Variants in ROBO2 observed in about 807,000 individuals in gnomAD.
The protein encoded by ROBO2 is roundabout guidance receptor 2, also known as roundabout homolog 2.
A neutral mutation model predicts 160.8 loss-of-function variants in ROBO2; 53 were observed. The ratio of observed to expected loss-of-function variants is 0.33; its 90% CI spans 0.26 to 0.41. ROBO2 has a LOEUF of 0.41. ROBO2 is among the 10% of genes least tolerant of loss of function. The pLI is 1.00. For synonymous variants in ROBO2, 664 were observed against 611.7 expected (o/e 1.09, Z -1.26); for missense variants, 1,577 against 1,722.4 (o/e 0.92, Z 1.49).
chr3:77,083,366 T>C (rs1223691240), intron 1 of ROBO2, among the ~76,000 whole-genome samples: 1 of 152,164 alleles, frequency 6.6e-6, no homozygotes, highest in Non-Finnish European at 1.5e-5. Flanking sequence ...GTCAATTTGA[T>C]GAATAAGTAG....
chr3:77,210,376 A>G (rs1488537388), intron 2 of ROBO2, among the ~76,000 whole-genome samples: 1 of 152,096 alleles, frequency 6.6e-6, no homozygotes. Context: ...ACAAATATCT[A>G]CAAACAAGAC....
chr3:76,850,167 G>T (rs1286738589), intron 2 of ROBO2, among the ~76,000 whole-genome samples: 1 of 151,758 alleles, frequency 6.6e-6, no homozygotes, highest in Non-Finnish European at 1.5e-5. Context: ...CTCCAGCCTG[G>T]TAACAGAAAA....
intron 2 of ROBO2, among the ~76,000 whole-genome samples, chr3:76,240,518 G>A (rs1383960677): frequency 6.6e-6 from 1 of 152,146 alleles, no homozygotes; most frequent in Non-Finnish European, 1.5e-5. Context: ...TTCAAGATTC[G>A]TTGAAGTAGA....
At chr3:77,246,319 G>A (rs6764366) in intron 2 of ROBO2, among the ~76,000 whole-genome samples, 1 of 140,906 alleles carries the variant, frequency 7.1e-6, no homozygotes, top group Non-Finnish European at 1.5e-5. Flanking sequence ...TACTGAGAGT[G>A]TATGTGTATG....
chr3:76,296,733 C>G (rs1381518878), intron 2 of ROBO2, among the ~76,000 whole-genome samples: 1 of 152,108 alleles, frequency 6.6e-6, no homozygotes, highest in Non-Finnish European at 1.5e-5. Context: ...GGTCACTCTT[C>G]GGGGAACTGC....
intron 2 of ROBO2, among the ~76,000 whole-genome samples, chr3:77,229,249 C>T (rs976046333): frequency 5.9e-5 from 9 of 151,674 alleles, no homozygotes; most frequent in Non-Finnish European, 1.2e-4. Flanking sequence ...AGAAACATCC[C>T]GAGAGTATTA....
intron 2 of ROBO2, among the ~76,000 whole-genome samples, chr3:76,405,463 G>T (rs1383748604): frequency 6.6e-6 from 1 of 151,736 alleles, no homozygotes; most frequent in Non-Finnish European, 1.5e-5. Flanking sequence ...CAGAAGAAGA[G>T]TAGAAAGGTC....
intron 2 of ROBO2, among the ~76,000 whole-genome samples, chr3:76,631,485 G>T (rs1299394843): frequency 6.6e-6 from 1 of 152,056 alleles, no homozygotes; most frequent in Non-Finnish European, 1.5e-5. Context: ...TAAGCACACA[G>T]CATTTGAGAT....
chr3:77,128,995 G>A (rs1312568396), intron 2 of ROBO2, among the ~76,000 whole-genome samples: 1 of 152,012 alleles, frequency 6.6e-6, no homozygotes, highest in Non-Finnish European at 1.5e-5. Context: ...TATTTCTAGT[G>A]AGGCTAAAAG....
chr3:76,773,367 A>G (rs1267540491), intron 2 of ROBO2, among the ~76,000 whole-genome samples: 4 of 150,922 alleles, frequency 2.7e-5, no homozygotes, highest in Non-Finnish European at 4.5e-5. Flanking sequence ...TCAGTCAGTC[A>G]TATTGTACAG....
At chr3:77,445,794 G>GTTTTT (rs199914360) in intron 2 of ROBO2, among the ~76,000 whole-genome samples, 5 of 123,096 alleles carry the variant, frequency 4.1e-5, no homozygotes, top group African/African-American at 1.6e-4. Flanking sequence ...GTTTTTTTTT[G>GTTTTT]TTTTTTTTTT....
chr3:77,059,586 T>G (rs537854291), intron 1 of ROBO2, among the ~76,000 whole-genome samples: 1 of 152,302 alleles, frequency 6.6e-6, no homozygotes, highest in Non-Finnish European at 1.5e-5. Flanking sequence ...CTAGTTTCAA[T>G]TTACTATTGA....
In ROBO2 at chr3:77,093,342, C is replaced by A. The variant is rs1241266827; in HGVS notation, c.62-4672C>A. On this transcript the variant is annotated intron_variant, in intron 1 of 25. Coordinates refer to ENST00000461745, the Ensembl canonical transcript of ROBO2. ...GTTTCATGGCACTTCCTGTGATGAA[C>A]AACCCCCACTCCCCCTTACTGTTTT... is the stretch of plus-strand genomic sequence containing the variant. Among the ~76,000 whole-genome samples, 3 of 152,112 alleles carry A rather than the reference C, an allele frequency of 2.0e-5. No homozygotes were observed. In the East Asian group the frequency reaches 5.8e-4, roughly 29 times the overall value.
At position 76,150,551 on chromosome 3, in the gene ROBO2, G is replaced by A. The variant is rs1453296567; in HGVS notation, c.109+212949G>A. 3.9e-5 allele frequency among the ~76,000 whole-genome samples: 6 copies of A among 152,188 alleles called. No homozygotes were observed. The East Asian group carries it at 5.8e-4, about 15-fold the overall frequency. On this transcript the variant is annotated intron_variant, in intron 2 of 26. Transcript: ENST00000487694. ...CCTTGATCCCTTTGATCTTGAACACGTTTAGCCCATTCCCACCTCAGGGCC... is the reference window on the plus strand; with the variant it reads ...CCTTGATCCCTTTGATCTTGAACACATTTAGCCCATTCCCACCTCAGGGCC...
intron 2 of ROBO2, among the ~76,000 whole-genome samples, chr3:76,251,833 G>C (rs932511436): frequency 6.6e-6 from 1 of 152,050 alleles, no homozygotes; most frequent in African/African-American, 2.4e-5. Flanking sequence ...GTCAGGTGCA[G>C]ATTTCTTTCA....
chr3:76,830,960 G>T (rs1349331782), intron 2 of ROBO2, among the ~76,000 whole-genome samples: 3 of 152,084 alleles, frequency 2.0e-5, no homozygotes, highest in East Asian at 3.8e-4. Context: ...CTGCACTCCA[G>T]CCTGGGTGCA....
chr3:76,964,295 TGG>T (rs2079902823), intron 2 of ROBO2, among the ~76,000 whole-genome samples: 3 of 152,170 alleles, frequency 2.0e-5, no homozygotes, highest in Admixed American at 1.3e-4. Context: ...GATCACCTTT[TGG>T]GTATCATCTA....
intron 2 of ROBO2, among the ~76,000 whole-genome samples, chr3:76,579,327 T>G (rs2085505393): frequency 6.6e-6 from 1 of 152,220 alleles, no homozygotes; most frequent in Non-Finnish European, 1.5e-5. Flanking sequence ...ATTCTATTTT[T>G]GTTGCATCTT....
chr3:76,640,005 T>C (rs4402944), intron 2 of ROBO2, among the ~76,000 whole-genome samples: 31,221 of 152,172 alleles, frequency 0.21, 3,358 homozygotes, highest in Middle Eastern at 0.23. Context: ...TACGGGGTTA[T>C]GATTCAGCAA....
Sources: gnomAD v4.1 joint callset for allele counts (sites outside exome capture counted in the v4.1 genomes callset) on GRCh38, gnomAD v4.1.1 for gene constraint, MANE v1.5 for transcripts, NCBI Gene and HGNC (gene_info 2026-07-23, HGNC 2026-07-21) for gene names.